AKAP6: variants seen among roughly 807,000 people sequenced by gnomAD.
The protein encoded by AKAP6 is A-kinase anchoring protein 6.
A neutral mutation model predicts 188.5 loss-of-function variants in AKAP6; 58 were observed. That is an observed-to-expected ratio of 0.31 (90% CI 0.25 to 0.38). The LOEUF is 0.38. Ranked by LOEUF, AKAP6 falls within the 10% of genes least tolerant of loss-of-function variation. AKAP6 has a pLI of 1.00. For synonymous variants in AKAP6, 989 were observed against 998.6 expected, an observed-to-expected ratio of 0.99 and a Z score of 0.18; for missense variants, 2,710 against 2,740.0, an observed-to-expected ratio of 0.99 and a Z score of 0.24.
intron 2 of AKAP6, among the ~76,000 whole-genome samples, chr14:32,490,146 A>G (rs12878964): frequency 0.66 from 95,411 of 144,154 alleles, 33,050 homozygotes; most frequent in East Asian, 0.88. Flanking sequence ...ATCAGTTAGG[A>G]TAGGGCAGAA....
chr14:32,534,847 C>G (rs58710880), intron 2 of AKAP6, among the ~76,000 whole-genome samples: 1 of 151,808 alleles, frequency 6.6e-6, no homozygotes, highest in African/African-American at 2.4e-5. Flanking sequence ...CGCCTGTAAT[C>G]TCAGCTACTT....
At chr14:32,330,710 G>A (rs972559254) in intron 1 of AKAP6, among the ~76,000 whole-genome samples, 1 of 133,114 alleles carries the variant, frequency 7.5e-6, no homozygotes, top group African/African-American at 2.8e-5. Context: ...CTAGCTTGGA[G>A]TGATTTTTTT....
chr14:32,520,675 C>T (rs756715969), intron 2 of AKAP6, among the ~76,000 whole-genome samples: 3 of 152,148 alleles, frequency 2.0e-5, no homozygotes, highest in East Asian at 1.9e-4. Flanking sequence ...AAACCAATAA[C>T]AGGCTCTGAA....
intron 7 of AKAP6, among the ~76,000 whole-genome samples, chr14:32,624,953 T>C (rs1886957195): frequency 6.6e-6 from 1 of 152,178 alleles, no homozygotes; most frequent in African/African-American, 2.4e-5. Flanking sequence ...TTGTTTTAAG[T>C]TGAACAGATA....
At chr14:32,815,008 A>G (rs550748337) in intron 12 of AKAP6, among the ~76,000 whole-genome samples, 179 of 152,306 alleles carry the variant, frequency 1.2e-3, no homozygotes, top group Non-Finnish European at 1.8e-3. Flanking sequence ...TATTTATGGG[A>G]AGAAAACCCC....
At chr14:32,582,976 T>C (rs1486283132) in intron 5 of AKAP6, among the ~76,000 whole-genome samples, 1 of 152,230 alleles carries the variant, frequency 6.6e-6, no homozygotes, top group African/African-American at 2.4e-5. Context: ...TCTGAAGCCT[T>C]CTTCTCTCAA....
At chr14:32,770,268 C>T (rs2032857838) in intron 11 of AKAP6, among the ~76,000 whole-genome samples, 1 of 152,160 alleles carries the variant, frequency 6.6e-6, no homozygotes, top group African/African-American at 2.4e-5. Context: ...AGATAATGAC[C>T]TCCATTCTAA....
At chr14:32,405,850 A>G (rs1889274036) in intron 1 of AKAP6, among the ~76,000 whole-genome samples, 1 of 152,214 alleles carries the variant, frequency 6.6e-6, no homozygotes, top group Admixed American at 6.5e-5. Context: ...AACTGTGATG[A>G]GATTACCCGG....
chr14:32,728,067 A>G (rs1055788019), intron 9 of AKAP6, among the ~76,000 whole-genome samples: 3 of 152,176 alleles, frequency 2.0e-5, no homozygotes, highest in Admixed American at 1.3e-4. Flanking sequence ...GGACTTTTAT[A>G]TAAAAAGACT....
At chr14:32,557,500 C>G (rs1440266137) in intron 4 of AKAP6, among the ~76,000 whole-genome samples, 2 of 152,188 alleles carry the variant, frequency 1.3e-5, no homozygotes. Context: ...TTTTTATTCA[C>G]CCACAGAGTA....
At chr14:32,488,927 G>A (rs1370709817) in intron 2 of AKAP6, among the ~76,000 whole-genome samples, 2 of 152,162 alleles carry the variant, frequency 1.3e-5, no homozygotes, top group Non-Finnish European at 2.9e-5. Flanking sequence ...GGTCTTGCTG[G>A]GCACTACAGA....
chr14:32,639,020 T>C (rs1376958689), intron 7 of AKAP6, among the ~76,000 whole-genome samples: 1 of 152,054 alleles, frequency 6.6e-6, no homozygotes, highest in African/African-American at 2.4e-5. Flanking sequence ...AATTTCAAAA[T>C]CTAGGTGACT....
chr14:32,584,127 C>A (rs536509444), intron 5 of AKAP6, among the ~76,000 whole-genome samples: 1 of 152,320 alleles, frequency 6.6e-6, no homozygotes, highest in South Asian at 2.1e-4. Flanking sequence ...TGGCTGCTAC[C>A]CAAATTGCAC....
At chr14:32,654,098 A>G (rs1218478242) in intron 7 of AKAP6, among the ~76,000 whole-genome samples, 3 of 152,214 alleles carry the variant, frequency 2.0e-5, no homozygotes, top group East Asian at 3.8e-4. Flanking sequence ...TTTATTAAAA[A>G]TCAGACTTTG....
chr14:32,348,324 A>G (rs1350374496), intron 1 of AKAP6, among the ~76,000 whole-genome samples: 2 of 152,160 alleles, frequency 1.3e-5, no homozygotes, highest in Non-Finnish European at 2.9e-5. Context: ...AAAAGCAGGA[A>G]TCCCAAACTG....
chr14:32,434,560 G>T (rs1033868351), intron 2 of AKAP6, among the ~76,000 whole-genome samples: 13 of 152,220 alleles, frequency 8.5e-5, no homozygotes, highest in Admixed American at 8.5e-4. Context: ...GACCTGCAGA[G>T]CAAGACAGGT....
At chr14:32,640,962 T>C (rs1887729181) in intron 7 of AKAP6, among the ~76,000 whole-genome samples, 1 of 152,200 alleles carries the variant, frequency 6.6e-6, no homozygotes, top group Non-Finnish European at 1.5e-5. Context: ...GATGACCTTT[T>C]GGTGATGTGT....
rs1218991399 is a variant in AKAP6, at chr14:32,545,660, C to G, written c.1007C>G (p.Ala336Gly). The G allele has an allele frequency of 6.2e-7, 1 of 1,614,178 alleles. No individual in the cohort carries two copies. Among genetic ancestry groups the G allele is most frequent in the Non-Finnish European group, 8.5e-7 (1 of 1,180,018 alleles). The change falls in exon 4 of 14, where the codon GCT (alanine) becomes GGT (glycine). Residue 336 changes from alanine (A) to glycine (G), a missense_variant. Around this residue, in one of 2 missense-constraint regions of AKAP6, gnomAD observed 2,473 missense variants for 2,426.1 expected, o/e 1.02. Coordinates refer to ENST00000280979, the MANE Select transcript of AKAP6 (RefSeq NM_004274.5). ...SSSSGEALTN[A>G]AQPSSETVQQ... ...TCTTCAGGAGAAGCTCTGACAAATG[C>G]TGCTCAACCCTCCTCTGAGACTGTG...
chr14:32,534,202 A>G (rs1320526528), intron 2 of AKAP6, among the ~76,000 whole-genome samples: 1 of 152,194 alleles, frequency 6.6e-6, no homozygotes, highest in Non-Finnish European at 1.5e-5. Flanking sequence ...CCAGCATAGA[A>G]TGACCGTTTT....
Sources: allele counts gnomAD v4.1 joint callset (sites outside exome capture counted in the v4.1 genomes callset), GRCh38; gene constraint gnomAD v4.1.1; regional missense constraint gnomAD v4.1.1; transcripts MANE v1.5; gene names NCBI Gene and HGNC (gene_info 2026-07-23, HGNC 2026-07-21).